CARMIL3: variants seen among roughly 807,000 people sequenced by gnomAD.
CARMIL3 encodes the protein capping protein, Arp2/3 and myosin-I linker protein 3.
In CARMIL3, 88 loss-of-function variants were observed where a neutral mutation model predicts 180.8. The observed-to-expected ratio is 0.49, with a 90% CI of 0.41 to 0.58. The LOEUF (loss-of-function observed/expected upper bound fraction) is 0.58. Ranked by LOEUF, CARMIL3 falls within the 20% of genes least tolerant of loss-of-function variation. CARMIL3 has a pLI of 0.00. For missense variants in CARMIL3, 1,548 were observed against 1,787.0 expected (o/e 0.87, Z 2.41); for synonymous variants, 696 against 714.5 (o/e 0.97, Z 0.41).
At chr14:24,060,568 T>G in intron 24 of CARMIL3, 60 bp from the exon 25 acceptor site, 1 of 1,594,952 alleles carries the variant, frequency 6.3e-7, no homozygotes, top group Non-Finnish European at 8.5e-7. Flanking sequence ...GTCTAAGGGG[T>G]CCTACCTGCG....
rs755663925 is a variant in CARMIL3 at position 24,065,086 on chromosome 14, C to T, written c.3209C>T (p.Pro1070Leu). 11 of 1,583,440 alleles carry T rather than the reference C, an allele frequency of 6.9e-6. No homozygotes were observed. Among genetic ancestry groups the T allele is most frequent in the East Asian group, 6.8e-5 (3 of 44,342 alleles). ...RPRSFKGDRG[P>L]GSPTTGLLLP... ...CGGAGCTTCAAGGGGGACAGGGGGC[C>T]GGGGTCCCCTACCACTGGACTCCTC... The change falls in exon 33 of 40, where the codon CCG becomes CTG. Residue 1070 changes from proline (P) to leucine (L), a missense_variant. By Grantham distance (98) the Pro-to-Leu change is moderately conservative (BLOSUM62 -3). Transcript: ENST00000342740.
chr14:24,069,168 C>A lies in CARMIL3; in HGVS notation c.4014C>A (p.Pro1338=). 2.5e-6 allele frequency: 4 copies of A among 1,614,040 alleles called. No individual in the cohort carries two copies. Among genetic ancestry groups the A allele is most frequent in the Non-Finnish European group, 2.5e-6 (3 of 1,179,984 alleles). ...GPPDPGRRTA[P]LKPKRTRRAQ... ...CTGATCCAGGCCGGCGGACTGCCCCCCTGAAGCCCAAGAGGACACGGCGGG... is the reference window on the plus strand; with the variant it reads ...CTGATCCAGGCCGGCGGACTGCCCCACTGAAGCCCAAGAGGACACGGCGGG... The change falls in exon 39 of 40, where the codon CCC becomes CCA. Residue 1338 remains proline (P), a synonymous_variant. Transcript: ENST00000342740.
In CARMIL3 at chr14:24,065,078, C is replaced by T. The variant is rs752555292; in HGVS notation, c.3201C>T (p.Asp1067=). 1 of 1,591,696 alleles carries T rather than the reference C, an allele frequency of 6.3e-7. No homozygotes were observed. Among genetic ancestry groups the T allele is most frequent in the East Asian group, 2.2e-5 (1 of 44,536 alleles). Reference sequence around the variant, plus strand: ...GCCGGCCCCGGAGCTTCAAGGGGGACAGGGGGCCGGGGTCCCCTACCACTG... The same window carrying T: ...GCCGGCCCCGGAGCTTCAAGGGGGATAGGGGGCCGGGGTCCCCTACCACTG... The part of the protein sequence containing the change: ...HFRRPRSFKG[D]RGPGSPTTGL... The change falls in exon 33 of 40, where the codon GAC becomes GAT. Residue 1067 remains aspartate (D), a synonymous_variant. Transcript: ENST00000342740.
At chr14:24,060,278 C>T (rs201975879) in intron 24 of CARMIL3, 23 bp downstream of exon 24, 205 of 1,612,536 alleles carry the variant, frequency 1.3e-4, no homozygotes, top group Middle Eastern at 3.3e-4. Flanking sequence ...CTCTGGGACA[C>T]GGGGCATACC....
chr14:24,054,339 C>G lies in CARMIL3; in HGVS notation c.246+38C>G, dbSNP rs2035650367. The G allele has an allele frequency of 1.2e-6, 2 of 1,613,786 alleles. No homozygotes were observed. Among genetic ancestry groups the G allele is most frequent in the Non-Finnish European group, 1.7e-6 (2 of 1,179,828 alleles). ...GCTTTGGGCCCCACTACTGGGCCAG[C>G]TGGAGGAGGGAGCAGAGAGGAGGGA... is the stretch of plus-strand genomic sequence containing the variant. On this transcript the variant is annotated intron_variant, in intron 4 of 39. Coordinates refer to ENST00000342740, the MANE Select transcript of CARMIL3 (RefSeq NM_138360.4). This position sits in a 1 kb window ranked among gnomAD's most constrained non-coding sequence, Gnocchi z 5.1.
At position 24,053,818 on chromosome 14, in the gene CARMIL3, C is replaced by T. The variant is rs771414614; in HGVS notation, c.135+15C>T. 1.2e-6 allele frequency: 2 copies of T among 1,600,916 alleles called. No homozygotes were observed. Among genetic ancestry groups the T allele is most frequent in the Admixed American group, 3.4e-5 (2 of 58,860 alleles). ...ACCGAGTGCTGGTGAGGGCACTGGG[C>T]ATGTGGGGAGGGAGGAGGTGGCTGG... On this transcript the variant is annotated intron_variant, in intron 2 of 39. Transcript: ENST00000342740.
intron 36 of CARMIL3, among the ~76,000 whole-genome samples, chr14:24,067,424 C>T (rs1382139206): frequency 6.6e-6 from 1 of 152,272 alleles, no homozygotes; most frequent in Non-Finnish European, 1.5e-5. Flanking sequence ...GGAGACACCC[C>T]CTCAGCCTCT....
rs1427747397 is a variant in CARMIL3, at chr14:24,066,584, C to T, written c.3610C>T (p.Pro1204Ser). Residue 1204 changes from proline to serine, a missense_variant, in exon 36 of 40, where the codon CCC becomes TCC. Coordinates refer to ENST00000342740, the MANE Select transcript of CARMIL3 (RefSeq NM_138360.4). The stretch of plus-strand genomic sequence containing the variant: ...TACTCCAGGGCCTGGATCCTGGAAG[C>T]CCCCACCACCGCCCCAAAGCACCAA... ...SDDAGPGSWK[P>S]PPPPQSTKPS... 6.2e-7 allele frequency: 1 copy of T among 1,614,222 alleles called. No individual in the cohort carries two copies. The highest frequency in any genetic ancestry group is 2.2e-5 in the East Asian group (1 of 44,892).
intron 1 of CARMIL3, among the ~76,000 whole-genome samples, chr14:24,052,838 T>C (rs1467017106): frequency 6.6e-6 from 1 of 152,130 alleles, no homozygotes; most frequent in East Asian, 1.9e-4. Context: ...GTTTGCATGG[T>C]TCTCAGACCT....
chr14:24,068,223 CCT>C (rs2035809790), intron 36 of CARMIL3, among the ~76,000 whole-genome samples: 1 of 151,988 alleles, frequency 6.6e-6, no homozygotes, highest in Non-Finnish European at 1.5e-5. Flanking sequence ...ACGGTGAAAC[CCT>C]GTCTCTACTA....
Position 24,057,879 on chromosome 14 carries a change from G to T in CARMIL3, c.1217G>T (p.Arg406Met), listed in dbSNP as rs1566539711. Residue 406 changes from arginine (R) to methionine (M), a missense_variant and splice_region_variant, in exon 15 of 40, where the codon AGG becomes ATG. Coordinates refer to ENST00000342740, the MANE Select transcript of CARMIL3 (RefSeq NM_138360.4). The part of the protein sequence containing the change: ...LNLARNSCSH[R>M]KGREAPPAFK... ...CTGGCTCGCAACAGCTGCTCCCACA[G>T]GTGGGAGAGGAGGGGGAAGGGAGGA... 6.2e-7 allele frequency: 1 copy of T among 1,612,996 alleles called. No individual in the cohort carries two copies.
In CARMIL3 at chr14:24,054,164, G is replaced by T. The variant is rs374642581; in HGVS notation, c.186+26G>T. 8.9e-5 allele frequency: 144 copies of T among 1,614,052 alleles called. No homozygotes were observed. The highest frequency in any genetic ancestry group is 1.2e-4 in the Non-Finnish European group (142 of 1,180,010). On this transcript the variant is annotated intron_variant, in intron 3 of 39. Transcript: ENST00000342740. This position sits in a 1 kb window ranked among gnomAD's most constrained non-coding sequence, Gnocchi z 5.1. ...GTGAGTTGGGCTGAGGAGCAGGAGA[G>T]CACCTGGCATGCTCCCTACCTCCCA...
intron 34 of CARMIL3, 56 bp downstream of exon 34, chr14:24,065,806 C>T: frequency 1.9e-6 from 3 of 1,585,914 alleles, no homozygotes; most frequent in Non-Finnish European, 2.6e-6. Flanking sequence ...GTCCACCACC[C>T]TCTCCTTCCC....
chr14:24,059,636 G>C lies in CARMIL3; in HGVS notation c.1800-28G>C. The C allele has an allele frequency of 1.2e-6, 2 of 1,612,920 alleles. No individual in the cohort carries two copies. Among genetic ancestry groups the C allele is most frequent in the East Asian group, 4.5e-5 (2 of 44,874 alleles). ...CTAGTAGGGACCCAGGAGGAGAGGT[G>C]CCAAACTGGTGCTTACCCTCCCCCC... On this transcript the variant is annotated intron_variant, in intron 21 of 39. Coordinates refer to ENST00000342740, the MANE Select transcript of CARMIL3 (RefSeq NM_138360.4). This position sits in a 1 kb window ranked among gnomAD's most constrained non-coding sequence, Gnocchi z 6.3.
chr14:24,068,580 C>A lies in CARMIL3; in HGVS notation c.3683-4C>A, dbSNP rs1448150611. ...CTGCAGCTTCTCCTCTCTCTCATCC[C>A]CAGCTGAAGAGAGTGCCCCCAACCA... On this transcript the variant is annotated splice_region_variant and splice_polypyrimidine_tract_variant and intron_variant, in intron 36 of 39. Transcript: ENST00000342740. 6.2e-7 allele frequency: 1 copy of A among 1,602,308 alleles called. No homozygotes were observed. Among genetic ancestry groups the A allele is most frequent in the Admixed American group, 1.7e-5 (1 of 58,980 alleles).
At position 24,068,909 on chromosome 14, in the gene CARMIL3, A is replaced by C; in HGVS notation, c.3925A>C (p.Asn1309His). 1.3e-6 allele frequency: 2 copies of C among 1,598,308 alleles called. No individual in the cohort carries two copies. The highest frequency in any genetic ancestry group is 1.7e-6 in the Non-Finnish European group (2 of 1,172,344). ...GGCTGGAGATGCAGCTCCAGGAGTC[A>C]ACAAACCCCGGCTGAGGCTGAGCTC... Reference protein sequence around the residue: ...AEAGDAAPGVNKPRLRLSSQQ... With the variant: ...AEAGDAAPGVHKPRLRLSSQQ... Residue 1309 changes from asparagine (N) to histidine (H), a missense_variant, in exon 38 of 40, where the codon AAC (asparagine) becomes CAC (histidine). By Grantham distance (68) the Asn-to-His change is moderately conservative. Around this residue, in one of 4 missense-constraint regions of CARMIL3, gnomAD observed 668 missense variants for 687.8 expected, o/e 0.97. Coordinates refer to ENST00000342740, the MANE Select transcript of CARMIL3 (RefSeq NM_138360.4).
chr14:24,053,895 G>T (rs1430809485), intron 2 of CARMIL3, 92 bp downstream of exon 2: 4 of 1,249,452 alleles, frequency 3.2e-6, no homozygotes, highest in Non-Finnish European at 4.5e-6. Context: ...AGAAGAGACA[G>T]AAGTGGGTGG....
chr14:24,056,665 C>T lies in CARMIL3; in HGVS notation c.909C>T (p.Gly303=), dbSNP rs1293384152. ...AGCAGCTCCTCTGCTTCCCCTCTGG[C>T]CTCACCAAACTGTGCCTGGCCAAGA... The part of the protein sequence containing the change: ...LSQQLLCFPS[G]LTKLCLAKTA... The change falls in exon 12 of 40, where the codon GGC becomes GGT. Residue 303 remains glycine (G), a synonymous_variant. Transcript: ENST00000342740. 5 of 1,613,782 alleles carry T rather than the reference C, an allele frequency of 3.1e-6. No homozygotes were observed. In the East Asian group the frequency reaches 8.9e-5, roughly 29 times the overall value.
In CARMIL3 at chr14:24,059,490, C is replaced by T. The variant is rs1240939651; in HGVS notation, c.1799+48C>T. On this transcript the variant is annotated intron_variant, in intron 21 of 39. Transcript: ENST00000342740. This position sits in a 1 kb window ranked among gnomAD's most constrained non-coding sequence, Gnocchi z 6.3. ...CTGACCTGGAGCCCCAGCCCCTCCC[C>T]ATATGTACATAATCTCCCTGCTTTC... 5 of 1,543,292 alleles carry T rather than the reference C, an allele frequency of 3.2e-6. No homozygotes were observed. The South Asian group carries it at 4.8e-5, about 15-fold the overall frequency.
Sources: gnomAD v4.1 joint callset for allele counts (sites outside exome capture counted in the v4.1 genomes callset) on GRCh38, gnomAD v4.1.1 for gene constraint, gnomAD v4.1.1 regional missense constraint, Gnocchi (gnomAD v3.1) non-coding constraint, MANE v1.5 for transcripts, NCBI Gene and HGNC (gene_info 2026-07-23, HGNC 2026-07-21) for gene names.